The following AKT3 variants were observed in gnomAD, a reference collection of about 807,000 sequenced individuals.
AKT3 encodes RAC-gamma serine/threonine-protein kinase.
AKT3 carries 15 observed loss-of-function variants against 65.3 expected under a neutral mutation model. That is an observed-to-expected ratio of 0.23 (90% CI 0.15 to 0.35). The LOEUF is 0.35. Among genes scored for constraint, AKT3 ranks in the 10% least tolerant of loss-of-function variants. The pLI, the probability that AKT3 is intolerant of heterozygous loss-of-function variation, is 1.00. For synonymous variants in AKT3, 206 were observed against 183.8 expected, an observed-to-expected ratio of 1.12 and a Z score of -0.98; for missense variants, 243 against 576.5, an observed-to-expected ratio of 0.42 and a Z score of 5.92.
intron 2 of AKT3, among the ~76,000 whole-genome samples, chr1:243,728,398 C>CT (rs1057287469): frequency 2.0e-4 from 31 of 152,292 alleles, no homozygotes; most frequent in Middle Eastern, 6.8e-3. Context: ...GCAATAAACT[C>CT]TATCTATAGG....
At chr1:243,568,641 C>T (rs1674348503) in intron 9 of AKT3, among the ~76,000 whole-genome samples, 2 of 152,316 alleles carry the variant, frequency 1.3e-5, no homozygotes, top group South Asian at 4.1e-4. Flanking sequence ...ATGTTTCCTC[C>T]TGTTCTTGCT....
In AKT3 at chr1:243,689,847, A is replaced by C. The variant is rs528825080; in HGVS notation, c.172+5744T>G. ...GTAGTCCCCAATACTCAGGATGCTG[A>C]GGTGGGAGGATCACTTAAGCTTGGG... is the stretch of plus-strand genomic sequence containing the variant. On this transcript the variant is annotated intron_variant, in intron 3 of 13. Coordinates refer to ENST00000673466, the MANE Select transcript of AKT3 (RefSeq NM_005465.7). Among the ~76,000 whole-genome samples the C allele has an allele frequency of 9.9e-4, 150 of 152,194 alleles. 1 individual carries two copies. Among genetic ancestry groups the C allele is most frequent in the African/African-American group, 3.5e-3 (147 of 41,536 alleles).
At chr1:243,720,725 G>T (rs1686838148) in intron 2 of AKT3, among the ~76,000 whole-genome samples, 1 of 152,050 alleles carries the variant, frequency 6.6e-6, no homozygotes, top group Non-Finnish European at 1.5e-5. Flanking sequence ...AATATTAAGG[G>T]TTAATACAAT....
chr1:243,701,639 AT>A (rs1685465640), intron 2 of AKT3, among the ~76,000 whole-genome samples: 1 of 147,768 alleles, frequency 6.8e-6, no homozygotes. Flanking sequence ...CATTTTAAAA[AT>A]ATGCTTCTTA....
At chr1:243,516,761 G>A (rs186262062) in intron 12 of AKT3, among the ~76,000 whole-genome samples, 59 of 152,166 alleles carry the variant, frequency 3.9e-4, no homozygotes, top group Non-Finnish European at 2.5e-4. Context: ...GTGCACACCA[G>A]TATGCCCAGC....
At chr1:243,774,032 T>C (rs1173824830) in intron 2 of AKT3, among the ~76,000 whole-genome samples, 2 of 152,094 alleles carry the variant, frequency 1.3e-5, no homozygotes, top group Non-Finnish European at 2.9e-5. Flanking sequence ...ATGGTGACCA[T>C]TACATGAGGA....
Position 243,500,584 on chromosome 1 carries a change from G to GACAT in AKT3, c.*4661_*4664dup, listed in dbSNP as rs1268719240. 2 of 229,094 alleles carry GACAT rather than the reference G, an allele frequency of 8.7e-6. No individual in the cohort carries two copies. The highest frequency in any genetic ancestry group is 2.2e-5 in the African/African-American group (1 of 45,100). The allele number at this position is 229,094 out of a possible 1,614,324, so 14.2% of individuals were successfully genotyped here. A position where few individuals can be genotyped will look rare whatever the true frequency, so the allele number is the denominator to read the frequency against. On this transcript the variant is annotated 3_prime_UTR_variant, in exon 14 of 14. Transcript: ENST00000673466. ...TTTAAAGTAATAAAAACGGACACTG[G>GACAT]ACATACCGTGTTGTATCTGAGAATG...
chr1:243,820,836 T>C (rs915948895), intron 2 of AKT3, among the ~76,000 whole-genome samples: 1 of 151,898 alleles, frequency 6.6e-6, no homozygotes, highest in Admixed American at 6.6e-5. Flanking sequence ...ATGGGGAAAA[T>C]GGAACCAAGT....
intron 6 of AKT3, among the ~76,000 whole-genome samples, chr1:243,630,628 C>T (rs201208274): frequency 6.6e-6 from 1 of 152,172 alleles, no homozygotes; most frequent in East Asian, 1.9e-4. Flanking sequence ...CTGGTGGCTC[C>T]ATCACCCTGT....
intron 2 of AKT3, among the ~76,000 whole-genome samples, chr1:243,794,051 C>A (rs1691795201): frequency 6.6e-6 from 1 of 152,140 alleles, no homozygotes; most frequent in Admixed American, 6.5e-5. Flanking sequence ...TTTTTTGAGA[C>A]AGGGTCTCAT....
intron 2 of AKT3, among the ~76,000 whole-genome samples, chr1:243,734,472 C>T (rs897959): frequency 0.5 from 75,945 of 151,838 alleles, 23,252 homozygotes; most frequent in Non-Finnish European, 0.68. Flanking sequence ...GTACTGAATA[C>T]GCAGTTCTAA....
At chr1:243,563,221 C>T (rs533707348) in intron 10 of AKT3, among the ~76,000 whole-genome samples, 1 of 152,128 alleles carries the variant, frequency 6.6e-6, no homozygotes, top group East Asian at 1.9e-4. Context: ...ATTGTGGAAC[C>T]CTTAGCACAG....
intron 12 of AKT3, among the ~76,000 whole-genome samples, chr1:243,535,935 A>G (rs566827116): frequency 3.9e-5 from 6 of 152,190 alleles, no homozygotes. Flanking sequence ...GTAAAATGGT[A>G]TCTCACTGTG....
chr1:243,544,276 G>T (rs149532612), intron 12 of AKT3, among the ~76,000 whole-genome samples: 9,029 of 149,128 alleles, frequency 0.061, 407 homozygotes, highest in Admixed American at 0.16. Context: ...CAGGGGGAGG[G>T]GGGGACAGAC....
intron 4 of AKT3, among the ~76,000 whole-genome samples, chr1:243,647,772 C>A (rs569165620): frequency 4.3e-4 from 65 of 152,224 alleles, no homozygotes; most frequent in Non-Finnish European, 8.1e-4. Flanking sequence ...CTAGATCAGA[C>A]CTGCAGTACA....
chr1:243,820,898 G>T (rs1693818910), intron 2 of AKT3, among the ~76,000 whole-genome samples: 1 of 152,096 alleles, frequency 6.6e-6, no homozygotes, highest in Non-Finnish European at 1.5e-5. Context: ...AACCTAGTAA[G>T]ACAGACCAAC....
Position 243,502,634 on chromosome 1 carries a change from CTAT to C in AKT3, c.*2612_*2614del, listed in dbSNP as rs1466284310. ...TCCCTCTACACGCATTTCTGGTTTT[CTAT>C]TATTCCTCCATGGCAGCTGACAGAT... On this transcript the variant is annotated 3_prime_UTR_variant, in exon 14 of 14. Transcript: ENST00000673466. 3 of 233,074 alleles carry C rather than the reference CTAT, an allele frequency of 1.3e-5. No homozygotes were observed. The South Asian group carries it at 5.4e-4, about 42-fold the overall frequency. The allele number at this position is 233,074 out of a possible 1,614,324, so 14.4% of individuals were successfully genotyped here.
In AKT3 at chr1:243,720,085, G is replaced by A. The variant is rs1378771536; in HGVS notation, c.47-24369C>T. Among the ~76,000 whole-genome samples, 10 of 152,190 alleles carry A rather than the reference G, an allele frequency of 6.6e-5. No homozygotes were observed. In the East Asian group the frequency reaches 1.9e-3, roughly 29 times the overall value. ...CCCAGCACTCTGGAAGGCTGTGGTGGGCAGATCACCTGAGATCAGGAGGTC... is the reference window on the plus strand; with the variant it reads ...CCCAGCACTCTGGAAGGCTGTGGTGAGCAGATCACCTGAGATCAGGAGGTC... On this transcript the variant is annotated intron_variant, in intron 2 of 13. Transcript: ENST00000673466.
At chr1:243,715,603 T>C (rs1011676826) in intron 2 of AKT3, among the ~76,000 whole-genome samples, 4 of 152,106 alleles carry the variant, frequency 2.6e-5, no homozygotes, top group Admixed American at 2.6e-4. Context: ...GATCATTCTC[T>C]ACAAAGTGGA....
Sources: gnomAD v4.1 joint callset for allele counts (sites outside exome capture counted in the v4.1 genomes callset) on GRCh38, gnomAD v4.1.1 for gene constraint, MANE v1.5 for transcripts, NCBI Gene and HGNC (gene_info 2026-07-23, HGNC 2026-07-21) for gene names.